Variants in INPP5D observed in about 807,000 individuals in gnomAD.
INPP5D encodes phosphatidylinositol 3,4,5-trisphosphate 5-phosphatase 1.
Under a neutral mutation model 122.9 loss-of-function variants are expected in INPP5D, and 33 were observed. That is an observed-to-expected ratio of 0.27 (90% confidence interval 0.20 to 0.36). The LOEUF (loss-of-function observed/expected upper bound fraction) is 0.36. Ranked by LOEUF, INPP5D falls within the 10% of genes least tolerant of loss-of-function variation. INPP5D has a pLI of 1.00. For synonymous variants in INPP5D, 584 were observed against 576.2 expected, an observed-to-expected ratio of 1.01 and a Z score of -0.19; for missense variants, 1,053 against 1,412.7, an observed-to-expected ratio of 0.75 and a Z score of 4.08.
rs757869721 is a variant in INPP5D, at chr2:233,193,842, C to T, written c.2477C>T (p.Ala826Val). ...GEGCIALRLE[A>V]TETQLPIYTP... Reference sequence around the variant, plus strand: ...GGCTGCATTGCCCTTCGGTTAGAGGCCACAGAAACGCAGCTGCCCATCTAC... The same window carrying T: ...GGCTGCATTGCCCTTCGGTTAGAGGTCACAGAAACGCAGCTGCCCATCTAC... The change falls in exon 23 of 27, where the codon GCC becomes GTC. Residue 826 changes from alanine to valine, a missense_variant. By Grantham distance (64) the Ala-to-Val change is moderately conservative. Around this residue, in one of 6 missense-constraint regions of INPP5D, gnomAD observed 258 missense variants for 439.1 expected, o/e 0.59. Transcript: ENST00000445964. 3.1e-6 allele frequency: 5 copies of T among 1,613,694 alleles called. No individual in the cohort carries two copies. Among genetic ancestry groups the T allele is most frequent in the South Asian group, 2.2e-5 (2 of 91,070 alleles).
rs963416044 is a variant in INPP5D, at chr2:233,090,447, TC to T, written c.198+11056del. The stretch of plus-strand genomic sequence containing the variant: ...TGGCCATCAGGATGCCCAACCCATC[TC>T]CCCCCCATATTTATGCCCTTCATGA... On this transcript the variant is annotated intron_variant, in intron 2 of 26. Coordinates refer to ENST00000445964, the MANE Select transcript of INPP5D (RefSeq NM_001017915.3). Among the ~76,000 whole-genome samples, 8 of 151,470 alleles carry T rather than the reference TC, an allele frequency of 5.3e-5. No homozygotes were observed. In the East Asian group the frequency reaches 1.2e-3, roughly 22 times the overall value.
chr2:233,181,218 G>A (rs1022020177), intron 18 of INPP5D, among the ~76,000 whole-genome samples: 10 of 151,908 alleles, frequency 6.6e-5, no homozygotes, highest in African/African-American at 2.2e-4. Flanking sequence ...TTCTTTTCAT[G>A]TTTATTAGCC....
intron 26 of INPP5D, 71 bp downstream of exon 26, chr2:233,204,788 C>T: frequency 2.0e-6 from 2 of 1,008,384 alleles, no homozygotes; most frequent in Non-Finnish European, 2.6e-6. Flanking sequence ...ATGTGTGTAC[C>T]TATGCATATG....
At chr2:233,090,022 G>T (rs1396039220) in intron 2 of INPP5D, among the ~76,000 whole-genome samples, 3 of 152,202 alleles carry the variant, frequency 2.0e-5, no homozygotes, top group Admixed American at 2.0e-4. Flanking sequence ...GCATTGTGGG[G>T]TGGTAGGCGA....
chr2:233,202,153 G>A (rs1482804346), intron 25 of INPP5D, among the ~76,000 whole-genome samples: 1 of 152,102 alleles, frequency 6.6e-6, no homozygotes, highest in African/African-American at 2.4e-5. Flanking sequence ...GTTCTCTGAA[G>A]TCAGCCCCCT....
At chr2:233,158,621 A>G (rs1559325034) in intron 10 of INPP5D, among the ~76,000 whole-genome samples, 1 of 152,142 alleles carries the variant, frequency 6.6e-6, no homozygotes. Flanking sequence ...CTGTCTCAGG[A>G]GTAGGGAGGC....
intron 6 of INPP5D, among the ~76,000 whole-genome samples, chr2:233,143,365 C>T (rs918799234): frequency 6.6e-6 from 1 of 152,120 alleles, no homozygotes; most frequent in African/African-American, 2.4e-5. Context: ...GGGCGGGGGA[C>T]CTGCAATTGC....
intron 11 of INPP5D, 144 bp downstream of exon 11, chr2:233,161,970 C>G: frequency 7.7e-7 from 1 of 1,292,708 alleles, no homozygotes; most frequent in Non-Finnish European, 1.0e-6. Flanking sequence ...CCAGCCCACC[C>G]GCACAACCTC....
At chr2:233,087,486 C>T (rs1691884039) in intron 2 of INPP5D, among the ~76,000 whole-genome samples, 1 of 152,074 alleles carries the variant, frequency 6.6e-6, no homozygotes, top group Admixed American at 6.6e-5. Flanking sequence ...GCCACCACAC[C>T]CAGCTAATTT....
intron 5 of INPP5D, among the ~76,000 whole-genome samples, chr2:233,131,381 G>C (rs73105547): frequency 0.012 from 1,801 of 152,152 alleles, 37 homozygotes; most frequent in African/African-American, 0.041. Context: ...AAGCCACAGG[G>C]AGCCAAAACA....
chr2:233,102,388 C>T (rs957300584), intron 2 of INPP5D, among the ~76,000 whole-genome samples: 3 of 152,178 alleles, frequency 2.0e-5, no homozygotes, highest in African/African-American at 7.2e-5. Flanking sequence ...TCCCTAGTGT[C>T]CCACACCTCG....
chr2:233,146,262 G>A lies in INPP5D; in HGVS notation c.834+20G>A, dbSNP rs141697187. On this transcript the variant is annotated intron_variant, in intron 7 of 26. Transcript: ENST00000445964. ...GACAAGGTACGTGTGGGGCTCCTGC[G>A]GCTTCTCTTGGTCTCCTCTTTGGTC... The A allele has an allele frequency of 3.0e-5, 21 of 704,260 alleles. No homozygotes were observed. Among genetic ancestry groups the A allele is most frequent in the African/African-American group, 1.2e-4 (7 of 57,362 alleles). The allele number at this position is 704,260 out of a possible 1,614,324, so 43.6% of individuals were successfully genotyped here.
chr2:233,135,252 A>C (rs938206993), intron 5 of INPP5D, among the ~76,000 whole-genome samples: 4 of 151,580 alleles, frequency 2.6e-5, no homozygotes. Context: ...GCTGGAATGC[A>C]GTAGTGGGAT....
intron 5 of INPP5D, chr2:233,134,041 C>A (rs77193713): frequency 6.6e-6 from 3 of 455,954 alleles, no homozygotes; most frequent in South Asian, 3.1e-5. Flanking sequence ...TCAGATTTGC[C>A]GCTTGATTGG....
chr2:233,074,663 A>G (rs560239273), intron 1 of INPP5D, among the ~76,000 whole-genome samples: 38 of 151,462 alleles, frequency 2.5e-4, no homozygotes, highest in African/African-American at 8.7e-4. Context: ...CCGTTCTCCT[A>G]CCCCATCTTG....
chr2:233,061,934 G>A (rs1691087349), intron 1 of INPP5D, among the ~76,000 whole-genome samples: 1 of 152,230 alleles, frequency 6.6e-6, no homozygotes, highest in African/African-American at 2.4e-5. Context: ...AACCAAGCCA[G>A]GCTCGCAGCT....
intron 22 of INPP5D, among the ~76,000 whole-genome samples, chr2:233,190,884 G>A (rs1316610364): frequency 6.6e-6 from 1 of 152,224 alleles, no homozygotes; most frequent in Non-Finnish European, 1.5e-5. Flanking sequence ...AAGCAAGGAA[G>A]TAACAGGATC....
chr2:233,074,782 A>G (rs1021920707), intron 1 of INPP5D, among the ~76,000 whole-genome samples: 2 of 152,196 alleles, frequency 1.3e-5, no homozygotes, highest in Non-Finnish European at 2.9e-5. Context: ...TTTAAAAGCA[A>G]TTACAGGAGC....
intron 21 of INPP5D, among the ~76,000 whole-genome samples, chr2:233,186,349 G>A (rs1228763433): frequency 6.6e-6 from 1 of 152,046 alleles, no homozygotes; most frequent in East Asian, 1.9e-4. Flanking sequence ...TCATAGAATC[G>A]AGTACAAAGA....
Sources: gnomAD v4.1 joint callset for allele counts (sites outside exome capture counted in the v4.1 genomes callset) on GRCh38, gnomAD v4.1.1 for gene constraint, gnomAD v4.1.1 regional missense constraint, MANE v1.5 for transcripts, NCBI Gene and HGNC (gene_info 2026-07-23, HGNC 2026-07-21) for gene names.